The following IPCEF1 variants were observed in gnomAD, a reference collection of about 807,000 sequenced individuals.
IPCEF1 encodes the protein interactor protein for cytohesin exchange factors 1.
In IPCEF1, 31 loss-of-function variants were observed where a neutral mutation model predicts 50.9. That is an observed-to-expected ratio of 0.61 (90% CI 0.46 to 0.82). IPCEF1 has a LOEUF of 0.82. Among genes scored for constraint, IPCEF1 ranks in the 40% least tolerant of loss-of-function variants. IPCEF1 has a pLI of 0.00. For missense variants in IPCEF1, 458 were observed against 514.0 expected, an observed-to-expected ratio of 0.89 and a Z score of 1.05; for synonymous variants, 181 against 192.0, an observed-to-expected ratio of 0.94 and a Z score of 0.47.
intron 10 of IPCEF1, among the ~76,000 whole-genome samples, chr6:154,173,385 C>T (rs974094959): frequency 3.3e-5 from 5 of 152,042 alleles, no homozygotes; most frequent in Admixed American, 3.3e-4. Context: ...GCTAAAGAAG[C>T]ATGTTCTAAC....
At chr6:154,227,105 G>GAGGCTT (rs1341666149) in intron 5 of IPCEF1, among the ~76,000 whole-genome samples, 17 of 152,276 alleles carry the variant, frequency 1.1e-4, no homozygotes, top group African/African-American at 3.9e-4. Context: ...GGCTGAGGCT[G>GAGGCTT]AGGCAGGAGA....
At chr6:154,212,707 T>C (rs950861546) in intron 9 of IPCEF1, 63 bp downstream of exon 9, 395 of 1,105,896 alleles carry the variant, frequency 3.6e-4, no homozygotes, top group Non-Finnish European at 7.4e-5. Context: ...TCCTATTCAA[T>C]TGGAAGAAAT....
At chr6:154,182,714 C>A (rs906958249) in intron 10 of IPCEF1, among the ~76,000 whole-genome samples, 5 of 152,062 alleles carry the variant, frequency 3.3e-5, no homozygotes, top group Non-Finnish European at 5.9e-5. Flanking sequence ...TGGAAAATGA[C>A]CTAAATTCTA....
intron 1 of IPCEF1, among the ~76,000 whole-genome samples, chr6:154,317,332 G>A (rs1167010821): frequency 6.9e-5 from 10 of 145,190 alleles, no homozygotes; most frequent in African/African-American, 2.3e-4. Flanking sequence ...GGTGGATCAC[G>A]AGGTCAGGAG....
chr6:154,242,836 C>T (rs1393517410), intron 5 of IPCEF1, among the ~76,000 whole-genome samples: 2 of 151,830 alleles, frequency 1.3e-5, no homozygotes, highest in African/African-American at 2.4e-5. Context: ...TGCAGTGAGC[C>T]GAGATAACAC....
At chr6:154,318,137 A>C (rs1412575867) in intron 1 of IPCEF1, among the ~76,000 whole-genome samples, 1 of 152,220 alleles carries the variant, frequency 6.6e-6, no homozygotes, top group East Asian at 1.9e-4. Context: ...TGGAACAGGC[A>C]AGACTAACCT....
intron 10 of IPCEF1, among the ~76,000 whole-genome samples, chr6:154,187,502 A>G (rs1801493034): frequency 6.6e-6 from 1 of 152,250 alleles, no homozygotes; most frequent in South Asian, 2.1e-4. Context: ...ACACCCAGAG[A>G]TATCATAATA....
At chr6:154,215,414 AC>A (rs1334517240) in intron 7 of IPCEF1, among the ~76,000 whole-genome samples, 7 of 151,662 alleles carry the variant, frequency 4.6e-5, no homozygotes, top group African/African-American at 1.7e-4. Context: ...GACCAGCCTG[AC>A]CAACAGGGAG....
intron 3 of IPCEF1, among the ~76,000 whole-genome samples, chr6:154,249,555 T>G (rs1013398534): frequency 6.6e-6 from 1 of 152,156 alleles, no homozygotes; most frequent in Admixed American, 6.5e-5. Context: ...AGGCCTCCAA[T>G]GAACAAGATG....
At chr6:154,310,078 T>G (rs1375633081) in intron 1 of IPCEF1, among the ~76,000 whole-genome samples, 7 of 152,312 alleles carry the variant, frequency 4.6e-5, no homozygotes, top group African/African-American at 1.4e-4. Flanking sequence ...CTGTGCATTT[T>G]TAAACTTTCC....
At chr6:154,292,224 T>G (rs1782534367) in intron 1 of IPCEF1, among the ~76,000 whole-genome samples, 1 of 152,216 alleles carries the variant, frequency 6.6e-6, no homozygotes, top group African/African-American at 2.4e-5. Flanking sequence ...TGACTGTTCC[T>G]TCACAACTAA....
rs114927088 is a variant in IPCEF1, at chr6:154,203,739, T to G, written c.538-3699A>C. Among the ~76,000 whole-genome samples the G allele has an allele frequency of 1.2e-3, 177 of 152,300 alleles. 1 individual carries two copies. The highest frequency in any genetic ancestry group is 3.4e-3 in the Admixed American group (52 of 15,292). On this transcript the variant is annotated intron_variant, in intron 9 of 11. Transcript: ENST00000367220. Reference sequence around the variant, plus strand: ...GAGCTACCTGAGAACAGGCTGGTTTTAATCATTTTTCACCTCCATTTTTTG... The same window carrying G: ...GAGCTACCTGAGAACAGGCTGGTTTGAATCATTTTTCACCTCCATTTTTTG...
intron 3 of IPCEF1, among the ~76,000 whole-genome samples, chr6:154,262,261 G>C (rs1296332734): frequency 6.6e-6 from 1 of 152,194 alleles, no homozygotes; most frequent in Non-Finnish European, 1.5e-5. Flanking sequence ...AATAAGAATA[G>C]AATTCATTTG....
intron 1 of IPCEF1, among the ~76,000 whole-genome samples, chr6:154,309,317 C>A (rs920366263): frequency 3.3e-5 from 5 of 152,124 alleles, no homozygotes; most frequent in African/African-American, 1.2e-4. Context: ...TCTGTCCCCC[C>A]ACTCTATGGT....
chr6:154,356,177 CCAA>C (rs1369740680), intron 1 of IPCEF1, among the ~76,000 whole-genome samples: 4 of 152,274 alleles, frequency 2.6e-5, no homozygotes, highest in Non-Finnish European at 5.9e-5. Flanking sequence ...AGACTCTGAA[CCAA>C]CAACACCTAG....
chr6:154,226,436 C>G (rs529023899), intron 5 of IPCEF1, among the ~76,000 whole-genome samples: 2 of 152,216 alleles, frequency 1.3e-5, no homozygotes, highest in African/African-American at 4.8e-5. Flanking sequence ...AATAATATCA[C>G]TTTCTAGCCA....
intron 1 of IPCEF1, among the ~76,000 whole-genome samples, chr6:154,294,298 C>T (rs374159909): frequency 7.2e-5 from 11 of 152,170 alleles, no homozygotes; most frequent in East Asian, 1.9e-4. Flanking sequence ...AAAACTGGGC[C>T]GAATCCTTTT....
At chr6:154,311,230 C>T (rs1311104495) in intron 1 of IPCEF1, among the ~76,000 whole-genome samples, 1 of 152,214 alleles carries the variant, frequency 6.6e-6, no homozygotes, top group South Asian at 2.1e-4. Flanking sequence ...TTCAATCTCT[C>T]TCTTACTAAC....
At chr6:154,325,748 CT>C (rs1236005467) in intron 1 of IPCEF1, among the ~76,000 whole-genome samples, 1 of 152,028 alleles carries the variant, frequency 6.6e-6, no homozygotes, top group African/African-American at 2.4e-5. Flanking sequence ...TTTGAGTGTG[CT>C]TTTTTGGGGT....
Sources: gnomAD v4.1 joint callset for allele counts (sites outside exome capture counted in the v4.1 genomes callset) on GRCh38, gnomAD v4.1.1 for gene constraint, MANE v1.5 for transcripts, NCBI Gene and HGNC (gene_info 2026-07-23, HGNC 2026-07-21) for gene names.